GNA14: variants seen among roughly 807,000 people sequenced by gnomAD.
GNA14 encodes the protein G protein subunit alpha 14.
GNA14 carries 50 observed loss-of-function variants against 42.0 expected under a neutral mutation model. That is an observed-to-expected ratio of 1.19 (90% CI 0.95 to 1.51). The LOEUF is 1.51. Among genes scored for constraint, GNA14 ranks in the 40% most tolerant of loss-of-function variants. GNA14 has a pLI of 0.00. For missense variants in GNA14, 473 were observed against 446.2 expected (o/e 1.06, Z -0.54); for synonymous variants, 173 against 163.1 (o/e 1.06, Z -0.46).
chr9:77,558,515 C>G (rs374725721), intron 1 of GNA14, among the ~76,000 whole-genome samples: 1 of 152,076 alleles, frequency 6.6e-6, no homozygotes. Flanking sequence ...CTCAGACACC[C>G]CATATGACAC....
At chr9:77,454,395 C>T (rs1399556508) in intron 2 of GNA14, among the ~76,000 whole-genome samples, 3 of 152,172 alleles carry the variant, frequency 2.0e-5, no homozygotes, top group Admixed American at 1.3e-4. Context: ...GATAACCTTT[C>T]GCTCGCTGTG....
chr9:77,524,218 T>C (rs1392285413), intron 2 of GNA14, among the ~76,000 whole-genome samples: 1 of 152,206 alleles, frequency 6.6e-6, no homozygotes, highest in East Asian at 1.9e-4. Flanking sequence ...AGAAAAAATC[T>C]TCAAGGCTGT....
chr9:77,436,517 C>T (rs547984796), intron 2 of GNA14, among the ~76,000 whole-genome samples: 17 of 152,316 alleles, frequency 1.1e-4, no homozygotes, highest in Non-Finnish European at 2.2e-4. Context: ...TGGCATGCTG[C>T]ATGTCACGGA....
rs538602939 is a variant in GNA14, at chr9:77,441,247, G to A, written c.310-6725C>T. Among the ~76,000 whole-genome samples the A allele has an allele frequency of 4.6e-5, 7 of 152,224 alleles. No homozygotes were observed. In the East Asian group the frequency reaches 7.7e-4, roughly 17 times the overall value. On this transcript the variant is annotated intron_variant, in intron 2 of 6. Coordinates refer to ENST00000341700, the MANE Select transcript of GNA14 (RefSeq NM_004297.4). ...TGGGAGGTGATTGGATGATGGGGGCGGTTTCTCCCATGCTGTTCTCGTGAT... is the reference window on the plus strand; with the variant it reads ...TGGGAGGTGATTGGATGATGGGGGCAGTTTCTCCCATGCTGTTCTCGTGAT...
At chr9:77,510,830 G>A (rs1716261994) in intron 2 of GNA14, among the ~76,000 whole-genome samples, 1 of 152,176 alleles carries the variant, frequency 6.6e-6, no homozygotes, top group Non-Finnish European at 1.5e-5. Context: ...AAGTTTCCAT[G>A]CAGAGAAAGG....
At chr9:77,586,909 C>T (rs769085305) in intron 1 of GNA14, among the ~76,000 whole-genome samples, 3 of 151,904 alleles carry the variant, frequency 2.0e-5, no homozygotes, top group Non-Finnish European at 4.4e-5. Context: ...GGCACAGCTG[C>T]AGGCATTCAC....
intron 2 of GNA14, among the ~76,000 whole-genome samples, chr9:77,443,231 T>C (rs1038428171): frequency 3.3e-5 from 5 of 152,358 alleles, no homozygotes; most frequent in Admixed American, 3.3e-4. Flanking sequence ...AAAATAACTG[T>C]AGAATATATA....
intron 1 of GNA14, among the ~76,000 whole-genome samples, chr9:77,586,710 C>A (rs1823309511): frequency 6.6e-6 from 1 of 152,176 alleles, no homozygotes; most frequent in Admixed American, 6.5e-5. Flanking sequence ...TTGGTTGGAC[C>A]AGGTGTGTCA....
At chr9:77,552,138 A>G (rs1837794677) in intron 1 of GNA14, among the ~76,000 whole-genome samples, 1 of 151,424 alleles carries the variant, frequency 6.6e-6, no homozygotes, top group Non-Finnish European at 1.5e-5. Context: ...AAAAAAAAAA[A>G]AAAAAAAAGA....
At chr9:77,638,588 G>A (rs1824215280) in intron 1 of GNA14, among the ~76,000 whole-genome samples, 1 of 152,206 alleles carries the variant, frequency 6.6e-6, no homozygotes, top group Admixed American at 6.5e-5. Flanking sequence ...AAAACACAAA[G>A]GTGAGTTTGG....
intron 1 of GNA14, among the ~76,000 whole-genome samples, chr9:77,614,338 C>T (rs1214435226): frequency 2.0e-5 from 3 of 152,172 alleles, no homozygotes; most frequent in East Asian, 3.9e-4. Flanking sequence ...CTCCTTCCAT[C>T]TCATTGTCTC....
At chr9:77,449,532 C>T (rs1409939242) in intron 2 of GNA14, among the ~76,000 whole-genome samples, 1 of 152,188 alleles carries the variant, frequency 6.6e-6, no homozygotes, top group Non-Finnish European at 1.5e-5. Flanking sequence ...TGTCAATCAA[C>T]CAGTGGCCAG....
chr9:77,520,339 T>G (rs982917661), intron 2 of GNA14, among the ~76,000 whole-genome samples: 24 of 152,278 alleles, frequency 1.6e-4, no homozygotes, highest in Admixed American at 1.2e-3. Flanking sequence ...AAAATGCAAT[T>G]CTGAAAGAAG....
intron 2 of GNA14, among the ~76,000 whole-genome samples, chr9:77,508,693 C>T (rs1330675618): frequency 6.6e-6 from 1 of 152,194 alleles, no homozygotes; most frequent in African/African-American, 2.4e-5. Context: ...TTTCTGACTA[C>T]AGTTCCCCTG....
chr9:77,602,662 C>T (rs762229471), intron 1 of GNA14, among the ~76,000 whole-genome samples: 31 of 152,208 alleles, frequency 2.0e-4, no homozygotes, highest in Admixed American at 4.6e-4. Context: ...TCATGGGATT[C>T]GCCTTTCCTT....
chr9:77,527,225 C>G (rs2131766597), intron 2 of GNA14, among the ~76,000 whole-genome samples: 1 of 152,204 alleles, frequency 6.6e-6, no homozygotes, highest in African/African-American at 2.4e-5. Flanking sequence ...CACAGAAAGC[C>G]TAATTTTTAG....
rs75783396 is a variant in GNA14, at chr9:77,540,243, T to G, written c.125-10990A>C. Among the ~76,000 whole-genome samples, 756 of 152,240 alleles carry G rather than the reference T, an allele frequency of 5.0e-3. 7 individuals carry two copies. Among genetic ancestry groups the G allele is most frequent in the African/African-American group, 0.017 (720 of 41,578 alleles). ...CTTCATTGACCAAATAATGATTCAG[T>G]AGTATGTTGTTTAATTTCCATGTAT... is the stretch of plus-strand genomic sequence containing the variant. On this transcript the variant is annotated intron_variant, in intron 1 of 6. Transcript: ENST00000341700.
intron 3 of GNA14, 51 bp from the exon 4 acceptor site, chr9:77,431,500 T>C: frequency 6.5e-7 from 1 of 1,546,236 alleles, no homozygotes; most frequent in South Asian, 1.2e-5. Context: ...CAGGGGGAAA[T>C]GTCCATCCTA....
chr9:77,572,672 A>G (rs1436831466), intron 1 of GNA14, among the ~76,000 whole-genome samples: 4 of 152,236 alleles, frequency 2.6e-5, no homozygotes, highest in Admixed American at 2.6e-4. Context: ...AATCAAGTCT[A>G]TCAAAGAAAT....
Sources: gnomAD v4.1 joint callset for allele counts (sites outside exome capture counted in the v4.1 genomes callset) on GRCh38, gnomAD v4.1.1 for gene constraint, MANE v1.5 for transcripts, NCBI Gene and HGNC (gene_info 2026-07-23, HGNC 2026-07-21) for gene names.